TRHDE: variants seen among roughly 807,000 people sequenced by gnomAD.
TRHDE encodes the protein thyrotropin releasing hormone degrading enzyme.
TRHDE carries 72 observed loss-of-function variants against 125.7 expected under a neutral mutation model. The ratio of observed to expected loss-of-function variants is 0.57; its 90% CI spans 0.47 to 0.70. The LOEUF (loss-of-function observed/expected upper bound fraction) is 0.70. Ranked by LOEUF, TRHDE falls within the 30% of genes least tolerant of loss-of-function variation. TRHDE has a pLI of 0.00. For synonymous variants in TRHDE, 509 were observed against 509.1 expected (o/e 1.00, Z 0.00); for missense variants, 1,110 against 1,327.1 (o/e 0.84, Z 2.54).
intron 12 of TRHDE, among the ~76,000 whole-genome samples, chr12:72,612,807 A>T (rs1872682108): frequency 6.6e-6 from 1 of 152,170 alleles, no homozygotes; most frequent in South Asian, 2.1e-4. Context: ...TTTTTGACCA[A>T]ATAACTGACA....
intron 2 of TRHDE, among the ~76,000 whole-genome samples, chr12:72,157,763 A>G (rs994122759): frequency 3.3e-5 from 5 of 152,204 alleles, no homozygotes; most frequent in Non-Finnish European, 7.3e-5. Context: ...ACTGTTGAAT[A>G]TACAAGCCTG....
intron 18 of TRHDE, among the ~76,000 whole-genome samples, 154 bp downstream of exon 18, chr12:72,657,162 T>G (rs1265385332): frequency 6.6e-6 from 1 of 151,942 alleles, no homozygotes; most frequent in Non-Finnish European, 1.5e-5. Context: ...GACTACTCAA[T>G]TCATAATTTG....
chr12:72,372,987 G>A (rs1178250045), intron 2 of TRHDE, among the ~76,000 whole-genome samples: 2 of 152,240 alleles, frequency 1.3e-5, no homozygotes, highest in Non-Finnish European at 2.9e-5. Context: ...GGGCAGTATG[G>A]CCATTTTCAC....
At chr12:72,216,308 G>A (rs907608116) in intron 2 of TRHDE, among the ~76,000 whole-genome samples, 1 of 148,198 alleles carries the variant, frequency 6.7e-6, no homozygotes, top group Non-Finnish European at 1.5e-5. Context: ...GATTTACTGA[G>A]CATTGTCAAC....
At chr12:72,203,242 A>G (rs1200991449) in intron 2 of TRHDE, among the ~76,000 whole-genome samples, 2 of 152,152 alleles carry the variant, frequency 1.3e-5, no homozygotes, top group Non-Finnish European at 2.9e-5. Flanking sequence ...CAGGCGGATC[A>G]CGAGGTCAGG....
chr12:72,324,552 G>C (rs1047443278), intron 2 of TRHDE, among the ~76,000 whole-genome samples: 1 of 152,116 alleles, frequency 6.6e-6, no homozygotes. Flanking sequence ...TGGTCCACAG[G>C]AGTCATCAGA....
intron 2 of TRHDE, among the ~76,000 whole-genome samples, chr12:72,328,406 T>G (rs1869436316): frequency 6.6e-6 from 1 of 152,004 alleles, no homozygotes. Flanking sequence ...CAAACAACAT[T>G]CACATTTCTA....
chr12:72,248,310 C>G (rs1565672268), intron 2 of TRHDE, among the ~76,000 whole-genome samples: 1 of 149,208 alleles, frequency 6.7e-6, no homozygotes, highest in Non-Finnish European at 1.5e-5. Flanking sequence ...CCCAGCTACT[C>G]AGGGGGCTGA....
intron 3 of TRHDE, among the ~76,000 whole-genome samples, chr12:72,436,455 T>A (rs368755084): frequency 6.6e-6 from 1 of 152,114 alleles, no homozygotes; most frequent in African/African-American, 2.4e-5. Flanking sequence ...TAGATGTTCT[T>A]CATATAAAGA....
At chr12:72,327,207 A>G (rs1869380771) in intron 2 of TRHDE, among the ~76,000 whole-genome samples, 2 of 152,082 alleles carry the variant, frequency 1.3e-5, no homozygotes. Context: ...GGAGACACTG[A>G]GCAGGAACTC....
At chr12:72,458,002 T>C (rs7135873) in intron 3 of TRHDE, among the ~76,000 whole-genome samples, 43,475 of 151,972 alleles carry the variant, frequency 0.29, 9,992 homozygotes, top group African/African-American at 0.63. Context: ...ACTTTGAAAA[T>C]AGGAGAGACT....
At chr12:72,087,427 G>T (rs980950302) in exon 1 of TRHDE, 5 of 152,270 alleles carry the variant, frequency 3.3e-5, no homozygotes, top group African/African-American at 1.2e-4. Context: ...ATAGAACATG[G>T]CTTGGTGAAG....
chr12:72,287,282 A>C (rs1879925847), intron 2 of TRHDE, among the ~76,000 whole-genome samples: 1 of 152,130 alleles, frequency 6.6e-6, no homozygotes, highest in Admixed American at 6.5e-5. Flanking sequence ...TGTTTGTATG[A>C]CTGGGAAAAC....
chr12:72,453,619 A>G (rs1292637121), intron 3 of TRHDE, among the ~76,000 whole-genome samples: 3 of 152,208 alleles, frequency 2.0e-5, no homozygotes, highest in Non-Finnish European at 4.4e-5. Flanking sequence ...TAATAGAGAA[A>G]ACAATGAGGA....
At chr12:72,360,567 A>G (rs1181310374) in intron 2 of TRHDE, among the ~76,000 whole-genome samples, 3 of 151,984 alleles carry the variant, frequency 2.0e-5, no homozygotes, top group Admixed American at 2.0e-4. Context: ...ATTGTTTAAC[A>G]AAAATCTCAA....
At chr12:72,481,209 T>C (rs1177933265) in intron 5 of TRHDE, among the ~76,000 whole-genome samples, 1 of 151,972 alleles carries the variant, frequency 6.6e-6, no homozygotes, top group African/African-American at 2.4e-5. Context: ...TCTCAGTCCA[T>C]AACACTTTAT....
intron 2 of TRHDE, among the ~76,000 whole-genome samples, chr12:72,151,935 A>C (rs1592460311): frequency 6.6e-6 from 1 of 151,466 alleles, no homozygotes; most frequent in South Asian, 2.1e-4. Context: ...CTGTGAAGAA[A>C]GTCATTGGTA....
At chr12:72,413,465 TAAAA>T (rs1873598879) in intron 3 of TRHDE, among the ~76,000 whole-genome samples, 1 of 72,682 alleles carries the variant, frequency 1.4e-5, no homozygotes, top group Admixed American at 1.5e-4. Flanking sequence ...ATTATATATG[TAAAA>T]TAAAATGATA....
At chr12:72,139,797 G>T (rs1404326929) in intron 2 of TRHDE, among the ~76,000 whole-genome samples, 1 of 152,018 alleles carries the variant, frequency 6.6e-6, no homozygotes, top group Non-Finnish European at 1.5e-5. Flanking sequence ...CCCTCTTCTC[G>T]GTCAAGGGCA....
Sources: allele counts gnomAD v4.1 joint callset (sites outside exome capture counted in the v4.1 genomes callset), GRCh38; gene constraint gnomAD v4.1.1; transcripts MANE v1.5; gene names NCBI Gene and HGNC (gene_info 2026-07-23, HGNC 2026-07-21).